Variants in BACH2 observed in about 807,000 individuals in gnomAD.
BACH2 encodes the protein transcription regulator protein BACH2.
Under a neutral mutation model 61.8 loss-of-function variants are expected in BACH2, and 5 were observed. The observed-to-expected ratio is 0.08, with a 90% CI of 0.04 to 0.17. The LOEUF (loss-of-function observed/expected upper bound fraction) is 0.17, where lower values mean the gene tolerates loss of function less well. Among genes scored for constraint, BACH2 ranks in the 10% least tolerant of loss-of-function variants. The probability of loss-of-function intolerance (pLI) is 1.00; values close to 1 mark genes in which losing one functional copy is unlikely to be tolerated. For missense variants in BACH2, 824 were observed against 1,091.1 expected (o/e 0.76, Z 3.45); for synonymous variants, 446 against 440.1 (o/e 1.01, Z -0.17).
At chr6:89,981,431 G>A (rs1293678468) in intron 6 of BACH2, among the ~76,000 whole-genome samples, 6 of 152,064 alleles carry the variant, frequency 3.9e-5, no homozygotes, top group Non-Finnish European at 7.4e-5. Flanking sequence ...GTGAGCCACC[G>A]CGCCTGGCCG....
intron 3 of BACH2, among the ~76,000 whole-genome samples, chr6:90,215,907 A>T (rs1222421901): frequency 6.6e-6 from 1 of 152,168 alleles, no homozygotes; most frequent in Non-Finnish European, 1.5e-5. Context: ...TTCCTTCCCA[A>T]GGCTGCATTT....
intron 4 of BACH2, among the ~76,000 whole-genome samples, chr6:90,193,428 G>A (rs965494954): frequency 1.3e-5 from 2 of 152,172 alleles, no homozygotes; most frequent in African/African-American, 4.8e-5. Flanking sequence ...AAGCCAAGGA[G>A]CAAGGCCTGG....
intron 4 of BACH2, among the ~76,000 whole-genome samples, chr6:90,138,605 GA>G (rs1180482470): frequency 2.0e-5 from 3 of 151,920 alleles, no homozygotes; most frequent in Non-Finnish European, 4.4e-5. Flanking sequence ...AAAAATCATT[GA>G]AAAAAATCAC....
At chr6:90,295,347 G>A (rs1582576948) in intron 1 of BACH2, among the ~76,000 whole-genome samples, 1 of 152,200 alleles carries the variant, frequency 6.6e-6, no homozygotes, top group African/African-American at 2.4e-5. Flanking sequence ...CCAGGAGTGT[G>A]CCACCCCTTC....
At chr6:90,070,735 T>C (rs571745822) in intron 5 of BACH2, among the ~76,000 whole-genome samples, 5 of 152,110 alleles carry the variant, frequency 3.3e-5, no homozygotes, top group South Asian at 2.1e-4. Context: ...TGGAAGAAAA[T>C]TCTTGTTTTG....
At chr6:90,243,415 C>T (rs1391701608) in intron 3 of BACH2, among the ~76,000 whole-genome samples, 2 of 152,124 alleles carry the variant, frequency 1.3e-5, no homozygotes, top group Non-Finnish European at 2.9e-5. Flanking sequence ...GGAGAAAATG[C>T]TTAATAATCA....
intron 4 of BACH2, among the ~76,000 whole-genome samples, chr6:90,115,505 G>A (rs759510802): frequency 6.6e-5 from 10 of 151,966 alleles, no homozygotes; most frequent in East Asian, 5.8e-4. Flanking sequence ...TTTACACCAC[G>A]TACAAAAATC....
chr6:90,191,152 C>T (rs1043005236), intron 4 of BACH2, among the ~76,000 whole-genome samples: 5 of 152,194 alleles, frequency 3.3e-5, no homozygotes, highest in Non-Finnish European at 7.3e-5. Context: ...TTCTGTAAAT[C>T]AGTAAGACCT....
intron 5 of BACH2, among the ~76,000 whole-genome samples, chr6:90,065,866 G>T (rs1780937785): frequency 6.6e-6 from 1 of 152,144 alleles, no homozygotes; most frequent in African/African-American, 2.4e-5. Flanking sequence ...ACCATAGAAG[G>T]CAGTATGTGA....
intron 4 of BACH2, among the ~76,000 whole-genome samples, chr6:90,141,234 G>A (rs1418705329): frequency 6.6e-6 from 1 of 152,200 alleles, no homozygotes; most frequent in Non-Finnish European, 1.5e-5. Flanking sequence ...AGGCTGGAGT[G>A]CAGGGGCGTG....
intron 4 of BACH2, among the ~76,000 whole-genome samples, chr6:90,184,268 A>G (rs747593816): frequency 2.0e-5 from 3 of 152,194 alleles, no homozygotes; most frequent in Non-Finnish European, 4.4e-5. Flanking sequence ...CCATTTTAAC[A>G]TCTCCTCTTT....
rs541718736 is a variant in BACH2 at position 90,018,148 on chromosome 6, A to C, written c.-12-9292T>G. ...AAATGATGTTATTCCCAGTTCTCTGAGTTCCCTTTGTTTTGGGTGGCTGTC... is the reference window on the plus strand; with the variant it reads ...AAATGATGTTATTCCCAGTTCTCTGCGTTCCCTTTGTTTTGGGTGGCTGTC... On this transcript the variant is annotated intron_variant, in intron 5 of 8. Coordinates refer to ENST00000257749, the MANE Select transcript of BACH2 (RefSeq NM_021813.4). 9.9e-5 allele frequency among the ~76,000 whole-genome samples: 15 copies of C among 152,264 alleles called. No individual in the cohort carries two copies. The South Asian group carries it at 2.3e-3, about 23-fold the overall frequency.
intron 4 of BACH2, among the ~76,000 whole-genome samples, chr6:90,162,389 A>G (rs1166133990): frequency 6.6e-6 from 1 of 152,188 alleles, no homozygotes; most frequent in Non-Finnish European, 1.5e-5. Flanking sequence ...CTGTAATCCT[A>G]GCGCTTTGGG....
intron 4 of BACH2, among the ~76,000 whole-genome samples, chr6:90,199,135 G>A (rs1286883308): frequency 1.3e-5 from 2 of 152,104 alleles, no homozygotes; most frequent in African/African-American, 4.8e-5. Context: ...TCTTTTATTA[G>A]CAGTGTGAGA....
rs1194523335 is a variant in BACH2, at chr6:90,232,822, TAA to T, written c.-275+19689_-275+19690del. Reference sequence around the variant, plus strand: ...CAAAACCACATTTATGGCCTGTCTCTAAGAAGTCCTTAAATGGTCTTTCTTGA... The same window carrying T: ...CAAAACCACATTTATGGCCTGTCTCTGAAGTCCTTAAATGGTCTTTCTTGA... On this transcript the variant is annotated intron_variant, in intron 3 of 8. Coordinates refer to ENST00000257749, the MANE Select transcript of BACH2 (RefSeq NM_021813.4). 3.3e-5 allele frequency among the ~76,000 whole-genome samples: 5 copies of T among 152,264 alleles called. No homozygotes were observed. The East Asian group carries it at 9.6e-4, about 29-fold the overall frequency.
chr6:90,051,134 A>G lies in BACH2; in HGVS notation c.-13+37827T>C, dbSNP rs1780027367. Among the ~76,000 whole-genome samples, 4 of 152,116 alleles carry G rather than the reference A, an allele frequency of 2.6e-5. No homozygotes were observed. The South Asian group carries it at 6.2e-4, about 24-fold the overall frequency. On this transcript the variant is annotated intron_variant, in intron 5 of 8. Transcript: ENST00000257749. ...AACAATTGACCTGAGCATATTAAAC[A>G]ATACAATTTTAGTTTATTTAGGTCT...
At chr6:90,016,422 T>C (rs80143957) in intron 5 of BACH2, among the ~76,000 whole-genome samples, 2,064 of 152,310 alleles carry the variant, frequency 0.014, 49 homozygotes, top group African/African-American at 0.046. Flanking sequence ...TGTTATTTCA[T>C]TGGTTGTTTT....
intron 4 of BACH2, among the ~76,000 whole-genome samples, chr6:90,142,013 G>A (rs1026270834): frequency 4.6e-5 from 7 of 152,212 alleles, no homozygotes; most frequent in African/African-American, 1.2e-4. Context: ...CCATGAGGTC[G>A]AGGTTATAAG....
chr6:90,154,863 A>G (rs918421317), intron 4 of BACH2, among the ~76,000 whole-genome samples: 4 of 152,200 alleles, frequency 2.6e-5, no homozygotes, highest in African/African-American at 9.6e-5. Context: ...TCTTGTGTAC[A>G]GCCACAGACA....
Sources: gnomAD v4.1 joint callset for allele counts (sites outside exome capture counted in the v4.1 genomes callset) on GRCh38, gnomAD v4.1.1 for gene constraint, MANE v1.5 for transcripts, NCBI Gene and HGNC (gene_info 2026-07-23, HGNC 2026-07-21) for gene names.